The following ERC1 variants were observed in gnomAD, a reference collection of about 807,000 sequenced individuals.
ERC1 encodes ELKS/RAB6-interacting/CAST family member 1.
Under a neutral mutation model 132.0 loss-of-function variants are expected in ERC1, and 56 were observed. That is an observed-to-expected ratio of 0.42 (90% CI 0.34 to 0.53). The LOEUF (loss-of-function observed/expected upper bound fraction) is 0.53. Ranked by LOEUF, ERC1 falls within the 20% of genes least tolerant of loss-of-function variation. The pLI, the probability that ERC1 is intolerant of heterozygous loss-of-function variation, is 0.03. For synonymous variants in ERC1, 478 were observed against 476.1 expected, an observed-to-expected ratio of 1.00 and a Z score of -0.05; for missense variants, 1,202 against 1,349.9, an observed-to-expected ratio of 0.89 and a Z score of 1.72.
rs527464103 is a variant in ERC1 at position 1,180,650 on chromosome 12, A to T, written c.1848A>T (p.Thr616=). ...CCACCAACACTGACACTGCCTTGAC[A>T]ACTTTGGAGGAGGCCCTTGCAGAGA... ...ADTTNTDTAL[T]TLEEALAEKE... is the part of the protein sequence containing the mutation. Residue 616 remains threonine, a synonymous_variant, in exon 9 of 19, where the codon ACA becomes ACT. Coordinates refer to ENST00000360905, the MANE Select transcript of ERC1 (RefSeq NM_178040.4). 6.2e-7 allele frequency: 1 copy of T among 1,614,030 alleles called. No homozygotes were observed. Among genetic ancestry groups the T allele is most frequent in the Non-Finnish European group, 8.5e-7 (1 of 1,180,034 alleles).
intron 12 of ERC1, among the ~76,000 whole-genome samples, chr12:1,228,413 C>CTA (rs2074768492): frequency 1.2e-5 from 1 of 81,526 alleles, no homozygotes. Context: ...ACTGAACTTA[C>CTA]TATAATAGTT....
chr12:1,375,228 G>A (rs774867076), intron 16 of ERC1, among the ~76,000 whole-genome samples: 8 of 152,190 alleles, frequency 5.3e-5, no homozygotes, highest in Non-Finnish European at 1.2e-4. Flanking sequence ...CAATCATGGC[G>A]GAAGGTGAAG....
At chr12:1,230,795 TTGA>T (rs1326172840) in intron 12 of ERC1, among the ~76,000 whole-genome samples, 3 of 152,222 alleles carry the variant, frequency 2.0e-5, no homozygotes, top group African/African-American at 7.2e-5. Context: ...TAATATTCTC[TTGA>T]TGAATTGACC....
chr12:1,131,065 A>G (rs1279397335), intron 7 of ERC1, among the ~76,000 whole-genome samples: 1 of 152,242 alleles, frequency 6.6e-6, no homozygotes, highest in Non-Finnish European at 1.5e-5. Context: ...CATACATTAA[A>G]ATAAAGAATT....
intron 15 of ERC1, among the ~76,000 whole-genome samples, chr12:1,298,531 A>T (rs1434468335): frequency 7.0e-6 from 1 of 142,620 alleles, no homozygotes; most frequent in African/African-American, 2.6e-5. Flanking sequence ...CGACAGAACG[A>T]GACTCTGTCA....
At chr12:1,412,694 A>G (rs771045145) in intron 17 of ERC1, among the ~76,000 whole-genome samples, 5 of 152,164 alleles carry the variant, frequency 3.3e-5, no homozygotes, top group Non-Finnish European at 5.9e-5. Flanking sequence ...AAAGTCACTT[A>G]AACTCCCTGA....
intron 13 of ERC1, among the ~76,000 whole-genome samples, chr12:1,240,320 G>C (rs2075708688): frequency 1.3e-5 from 2 of 152,172 alleles, no homozygotes; most frequent in African/African-American, 4.8e-5. Flanking sequence ...GAGTGGTGGT[G>C]ACATGGGGTG....
Position 1,396,621 on chromosome 12 carries a change from A to T in ERC1, c.2926-11528A>T, listed in dbSNP as rs371293254. 2.0e-5 allele frequency among the ~76,000 whole-genome samples: 3 copies of T among 152,318 alleles called. No individual in the cohort carries two copies. The East Asian group carries it at 5.8e-4, about 29-fold the overall frequency. ...GCTGCATAAGCTTTTACCACCTCTA[A>T]AAATTTGTCATGTGTGGTTGAGCTC... is the stretch of plus-strand genomic sequence containing the variant. On this transcript the variant is annotated intron_variant, in intron 16 of 18. Coordinates refer to ENST00000360905, the MANE Select transcript of ERC1 (RefSeq NM_178040.4).
chr12:1,144,721 A>ATT (rs1443781367), intron 8 of ERC1, among the ~76,000 whole-genome samples: 1 of 148,518 alleles, frequency 6.7e-6, no homozygotes, highest in African/African-American at 2.6e-5. Flanking sequence ...CTGGTTCCAT[A>ATT]TTTTTTGGAA....
intron 15 of ERC1, among the ~76,000 whole-genome samples, chr12:1,371,347 A>T (rs183597837): frequency 2.1e-3 from 325 of 152,354 alleles, no homozygotes; most frequent in African/African-American, 7.3e-3. Context: ...ACTTATTAAG[A>T]TAACAACATG....
chr12:1,292,505 T>A (rs1488598863), intron 15 of ERC1, among the ~76,000 whole-genome samples: 1 of 152,202 alleles, frequency 6.6e-6, no homozygotes, highest in Non-Finnish European at 1.5e-5. Context: ...AGAAGACTGG[T>A]CTTCTCTGGA....
chr12:1,394,210 C>T (rs1195686472), intron 16 of ERC1, among the ~76,000 whole-genome samples: 2 of 150,864 alleles, frequency 1.3e-5, no homozygotes, highest in African/African-American at 2.4e-5. Context: ...ACCATCCTGG[C>T]TAACACGGTG....
chr12:1,472,892 T>G (rs965583360), intron 18 of ERC1, among the ~76,000 whole-genome samples: 1 of 152,204 alleles, frequency 6.6e-6, no homozygotes, highest in Non-Finnish European at 1.5e-5. Flanking sequence ...TCTTCTATCA[T>G]GAGGGAAAGA....
intron 18 of ERC1, among the ~76,000 whole-genome samples, chr12:1,484,027 C>T (rs1024641673): frequency 2.7e-5 from 4 of 150,596 alleles, no homozygotes; most frequent in East Asian, 2.0e-4. Context: ...TTGTTCCAGC[C>T]GGGCGTGGTG....
In ERC1 at chr12:1,213,030, T is replaced by C. The variant is rs187495489; in HGVS notation, c.2351+22978T>C. On this transcript the variant is annotated intron_variant, in intron 12 of 18. Transcript: ENST00000360905. ...CCAGAGCCTATTTTCTCCTGGGCAA[T>C]GCCTAAAGCTTATTTTTTAGTTGTC... Among the ~76,000 whole-genome samples the C allele has an allele frequency of 1.5e-3, 230 of 152,358 alleles. 1 individual carries two copies. Among genetic ancestry groups the C allele is most frequent in the Admixed American group, 4.6e-3 (70 of 15,310 alleles).
At chr12:1,172,437 C>G (rs1236001171) in intron 8 of ERC1, among the ~76,000 whole-genome samples, 6 of 152,184 alleles carry the variant, frequency 3.9e-5, no homozygotes, top group African/African-American at 1.4e-4. Context: ...TGTCACACTT[C>G]AGCCTTGGTG....
rs557453344 is a variant in ERC1 at position 1,061,049 on chromosome 12, A to G, written c.670-22115A>G. On this transcript the variant is annotated intron_variant, in intron 2 of 18. Transcript: ENST00000360905. ...GCCACATGTGGGAATTCTTGGAGAT[A>G]CAATTCATGTTGAGATTTGGGTATA... 6.5e-4 allele frequency among the ~76,000 whole-genome samples: 99 copies of G among 152,236 alleles called. 2 individuals carry two copies. Among genetic ancestry groups the G allele is most frequent in the African/African-American group, 2.3e-3 (94 of 41,556 alleles).
At chr12:1,154,001 G>A (rs1044566532) in intron 8 of ERC1, among the ~76,000 whole-genome samples, 3 of 151,958 alleles carry the variant, frequency 2.0e-5, no homozygotes, top group African/African-American at 7.3e-5. Flanking sequence ...GCCTCCCCCT[G>A]CTCTGAGTCT....
intron 12 of ERC1, among the ~76,000 whole-genome samples, chr12:1,223,529 A>G (rs2074330841): frequency 6.6e-6 from 1 of 152,208 alleles, no homozygotes; most frequent in Non-Finnish European, 1.5e-5. Context: ...ATATAAGTTC[A>G]TGGATCACAC....
Sources: allele counts gnomAD v4.1 joint callset (sites outside exome capture counted in the v4.1 genomes callset), GRCh38; gene constraint gnomAD v4.1.1; transcripts MANE v1.5; gene names NCBI Gene and HGNC (gene_info 2026-07-23, HGNC 2026-07-21).